DNHD1: variants seen among roughly 807,000 people sequenced by gnomAD.
The protein encoded by DNHD1 is dynein heavy chain domain 1.
DNHD1 carries 383 observed loss-of-function variants against 458.1 expected under a neutral mutation model. That is an observed-to-expected ratio of 0.84 (90% CI 0.77 to 0.91). The LOEUF is 0.91. DNHD1 is among the 40% of genes least tolerant of loss of function. The pLI is 0.00. For missense variants in DNHD1, 5,336 were observed against 5,866.1 expected, an observed-to-expected ratio of 0.91 and a Z score of 2.95; for synonymous variants, 2,203 against 2,376.9, an observed-to-expected ratio of 0.93 and a Z score of 2.13.
Position 6,545,016 on chromosome 11 carries a change from C to A in DNHD1, c.4077C>A (p.Leu1359=). Residue 1359 remains leucine (L), a synonymous_variant, in exon 21 of 43, where the codon CTC becomes CTA. Coordinates refer to ENST00000254579, the MANE Select transcript of DNHD1 (RefSeq NM_144666.3). This position sits in a 1 kb window ranked among gnomAD's most constrained non-coding sequence, Gnocchi z 4.9. The part of the protein sequence containing the change: ...LYGVCAHFPR[L]FFLSDSELVA... ...GGGTGTGTGCTCACTTCCCCCGCCT[C>A]TTCTTCCTTAGTGACAGTGAGCTGG... 1 of 1,551,856 alleles carries A rather than the reference C, an allele frequency of 6.4e-7. No homozygotes were observed. The highest frequency in any genetic ancestry group is 1.2e-5 in the South Asian group (1 of 84,066).
intron 9 of DNHD1, 57 bp from the exon 10 acceptor site, chr11:6,520,181 G>A (rs1463127754): frequency 2.1e-5 from 34 of 1,603,348 alleles, no homozygotes; most frequent in Non-Finnish European, 2.9e-5. Flanking sequence ...TCACAACCTG[G>A]TTTGAATCCC....
chr11:6,519,492 C>G, intron 7 of DNHD1, 108 bp from the exon 8 acceptor site: 1 of 1,257,434 alleles, frequency 8.0e-7, no homozygotes, highest in Non-Finnish European at 1.1e-6. Flanking sequence ...ATATGTATAT[C>G]TAGGTTCTAG....
Position 6,557,127 on chromosome 11 carries a change from G to A in DNHD1, c.7832G>A (p.Arg2611Gln), listed in dbSNP as rs529703093. ...LQLLPNRTGS[R>Q]GFVDYPNHQE... ...CTGCTGCCCAACAGAACAGGCTCCC[G>A]AGGTTTTGTGGACTATCCCAACCAC... is the stretch of plus-strand genomic sequence containing the variant. Residue 2611 changes from arginine to glutamine, a missense_variant, in exon 25 of 43, where the codon CGA (arginine) becomes CAA (glutamine). Physicochemically the swap from Arg to Gln is conservative, Grantham distance 43. This residue lies in a region of DNHD1 where 3,932 missense variants were observed against 4,365.6 expected (regional missense o/e 0.90). Coordinates refer to ENST00000254579, the MANE Select transcript of DNHD1 (RefSeq NM_144666.3). The A allele has an allele frequency of 1.4e-5, 22 of 1,551,718 alleles. No individual in the cohort carries two copies. Among genetic ancestry groups the A allele is most frequent in the Admixed American group, 7.8e-5 (4 of 51,000 alleles).
At chr11:6,517,791 T>C (rs1852515677) in intron 7 of DNHD1, among the ~76,000 whole-genome samples, 1 of 149,612 alleles carries the variant, frequency 6.7e-6, no homozygotes, top group South Asian at 2.1e-4. Flanking sequence ...GATTTCAAAA[T>C]ATGAATTTTG....
rs761752956 is a variant in DNHD1, at chr11:6,498,876, G to A, written c.661G>A (p.Ala221Thr). Residue 221 changes from alanine (A) to threonine (T), a missense_variant, in exon 3 of 43, where the codon GCA becomes ACA. Transcript: ENST00000254579. ...WLDGLSLLPLALAADIPVRYE... is the reference protein window; with the variant it reads ...WLDGLSLLPLTLAADIPVRYE... ...GGATGGACTTAGTCTCCTTCCCTTG[G>A]CACTGGCAGCGGACATCCCTGTACG... is the stretch of plus-strand genomic sequence containing the variant. 2 of 1,614,134 alleles carry A rather than the reference G, an allele frequency of 1.2e-6. No homozygotes were observed. The highest frequency in any genetic ancestry group is 1.3e-5 in the African/African-American group (1 of 74,946).
chr11:6,528,796 A>T lies in DNHD1; in HGVS notation c.2103+9A>T, dbSNP rs1170859802. 1 of 1,551,192 alleles carries T rather than the reference A, an allele frequency of 6.4e-7. No individual in the cohort carries two copies. The highest frequency in any genetic ancestry group is 8.7e-7 in the Non-Finnish European group (1 of 1,146,710). On this transcript the variant is annotated intron_variant, in intron 11 of 42. Transcript: ENST00000254579. ...AACAGGTGCTGCTGGAGGTGAGAACAGTGGTTTAAGGGATAGGGCGCTGCC... is the reference window on the plus strand; with the variant it reads ...AACAGGTGCTGCTGGAGGTGAGAACTGTGGTTTAAGGGATAGGGCGCTGCC...
rs1179045346 is a variant in DNHD1 at position 6,519,700 on chromosome 11, T to A, written c.1493T>A (p.Val498Glu). ...TGQGSIYLQR[V>E]QHKQLEQKLK... Reference sequence around the variant, plus strand: ...CAAGGCTCCATATACCTTCAGAGGGTACAGCACAAGCAACTGGAGCAGAAG... The same window carrying A: ...CAAGGCTCCATATACCTTCAGAGGGAACAGCACAAGCAACTGGAGCAGAAG... The change falls in exon 8 of 43, where the codon GTA (valine) becomes GAA (glutamate). Residue 498 changes from valine to glutamate, a missense_variant. Val to Glu is a moderately radical substitution (Grantham distance 121). Coordinates refer to ENST00000254579, the MANE Select transcript of DNHD1 (RefSeq NM_144666.3). 1 of 1,614,130 alleles carries A rather than the reference T, an allele frequency of 6.2e-7. No individual in the cohort carries two copies.
chr11:6,502,990 C>T, intron 4 of DNHD1, 64 bp downstream of exon 4: 2 of 1,573,166 alleles, frequency 1.3e-6, no homozygotes, highest in South Asian at 1.2e-5. Flanking sequence ...GCTATCTTCC[C>T]CCTCCTCTTT....
chr11:6,511,383 G>T lies in DNHD1; in HGVS notation c.1346G>T (p.Arg449Leu), dbSNP rs144531490. 3.7e-6 allele frequency: 6 copies of T among 1,614,246 alleles called. No individual in the cohort carries two copies. In the South Asian group the frequency reaches 6.6e-5, roughly 18 times the overall value. The stretch of plus-strand genomic sequence containing the variant: ...GCCGAGGAGAAGCATAAGGCTCTAC[G>T]GCTGCTCCATCGTTGCCTAAACCTC... ...ALAEEKHKAL[R>L]LLHRCLNLCT... Residue 449 changes from arginine to leucine, a missense_variant, in exon 7 of 43, where the codon CGG (arginine) becomes CTG (leucine). Coordinates refer to ENST00000254579, the MANE Select transcript of DNHD1 (RefSeq NM_144666.3).
rs1389243783 is a variant in DNHD1 at position 6,498,479 on chromosome 11, G to C, written c.264G>C (p.Leu88=). ...PAAWRYLHAV[L]GLLPPYRELL... ...CTTGGCGCTATCTTCATGCAGTACT[G>C]GGTCTACTGCCTCCATATCGTGAGT... The change falls in exon 3 of 43, where the codon CTG becomes CTC. Residue 88 remains leucine, a synonymous_variant. Coordinates refer to ENST00000254579, the MANE Select transcript of DNHD1 (RefSeq NM_144666.3). The C allele has an allele frequency of 1.2e-6, 2 of 1,614,198 alleles. No individual in the cohort carries two copies. Among genetic ancestry groups the C allele is most frequent in the Non-Finnish European group, 1.7e-6 (2 of 1,180,040 alleles).
chr11:6,567,791 G>T lies in DNHD1; in HGVS notation c.12282G>T (p.Pro4094=), dbSNP rs201927512. The part of the protein sequence containing the change: ...ATQPMLILLP[P]PGHPSATLHP... ...AGCCCATGCTGATCTTGTTGCCACC[G>T]CCTGGCCACCCCTCAGCCACTCTGC... Residue 4094 remains proline (P), a synonymous_variant, in exon 36 of 43, where the codon CCG becomes CCT. Transcript: ENST00000254579. 1.9e-6 allele frequency: 3 copies of T among 1,613,748 alleles called. No homozygotes were observed. The highest frequency in any genetic ancestry group is 2.5e-6 in the Non-Finnish European group (3 of 1,179,882).
chr11:6,571,727 G>T lies in DNHD1; in HGVS notation c.14003G>T (p.Gly4668Val). 1 of 1,612,706 alleles carries T rather than the reference G, an allele frequency of 6.2e-7. No homozygotes were observed. The highest frequency in any genetic ancestry group is 1.1e-5 in the South Asian group (1 of 90,868). Residue 4668 changes from glycine (G) to valine (V), a missense_variant, in exon 43 of 43, where the codon GGA (glycine) becomes GTA (valine). Physicochemically the swap from Gly to Val is moderately radical, Grantham distance 109 (BLOSUM62 -3). Around this residue, in one of 4 missense-constraint regions of DNHD1, gnomAD observed 698 missense variants for 664.9 expected, o/e 1.05. Coordinates refer to ENST00000254579, the MANE Select transcript of DNHD1 (RefSeq NM_144666.3). This position sits in a 1 kb window ranked among gnomAD's most constrained non-coding sequence, Gnocchi z 5.0. ...VLHAEWDPIA[G>V]ALQDSPSSQP... is the part of the protein sequence containing the mutation. ...CATGCGGAGTGGGACCCAATAGCTGGAGCCTTGCAGGACAGTCCTTCCAGC... is the reference window on the plus strand; with the variant it reads ...CATGCGGAGTGGGACCCAATAGCTGTAGCCTTGCAGGACAGTCCTTCCAGC...
At position 6,546,680 on chromosome 11, in the gene DNHD1, C is replaced by T; in HGVS notation, c.5741C>T (p.Ser1914Leu). The change falls in exon 21 of 43, where the codon TCA (serine) becomes TTA (leucine). Residue 1914 changes from serine (S) to leucine (L), a missense_variant. By Grantham distance (145) the Ser-to-Leu change is moderately radical. This residue lies in a region of DNHD1 where 3,932 missense variants were observed against 4,365.6 expected (regional missense o/e 0.90). Coordinates refer to ENST00000254579, the MANE Select transcript of DNHD1 (RefSeq NM_144666.3). ...ATTGAGGAGGCTGCCCTACTGCGCT[C>T]ACCACTGTTTAGCATTCTCAATGGG... is the stretch of plus-strand genomic sequence containing the variant. ...AAIEEAALLRSPLFSILNGLH... is the reference protein window; with the variant it reads ...AAIEEAALLRLPLFSILNGLH... The T allele has an allele frequency of 1.9e-6, 3 of 1,551,836 alleles. No homozygotes were observed. Among genetic ancestry groups the T allele is most frequent in the Non-Finnish European group, 2.6e-6 (3 of 1,147,026 alleles).
intron 3 of DNHD1, among the ~76,000 whole-genome samples, chr11:6,502,155 GAAGAGT>G (rs1439006201): frequency 6.6e-6 from 1 of 152,150 alleles, no homozygotes; most frequent in Non-Finnish European, 1.5e-5. Context: ...CCAGAATGCA[GAAGAGT>G]AAGAGGATGA....
At chr11:6,544,715 A>C in intron 20 of DNHD1, 44 bp downstream of exon 20, 1 of 1,544,834 alleles carries the variant, frequency 6.5e-7, no homozygotes, top group Non-Finnish European at 8.8e-7. Flanking sequence ...AGGGTTCCTG[A>C]ATAGCAGGGC....
chr11:6,536,342 A>T (rs1852948255), intron 14 of DNHD1, among the ~76,000 whole-genome samples: 1 of 152,244 alleles, frequency 6.6e-6, no homozygotes, highest in Admixed American at 6.5e-5. Context: ...TATGGACAGT[A>T]GATTAAAATA....
Position 6,570,996 on chromosome 11 carries a change from TGGTG to T in DNHD1, c.13487_13490del (p.Val4496AlafsTer14). 1 of 1,601,316 alleles carries T rather than the reference TGGTG, an allele frequency of 6.2e-7. No individual in the cohort carries two copies. Among genetic ancestry groups the T allele is most frequent in the East Asian group, 2.2e-5 (1 of 44,592 alleles). On this transcript the variant is annotated frameshift_variant, in exon 42 of 43. Coordinates refer to ENST00000254579, the MANE Select transcript of DNHD1 (RefSeq NM_144666.3). LOFTEE classifies it high-confidence loss of function. ...ACCGAGGCTCTAGAACTGAGCCAGT[TGGTG>T]GGCACGCTACAACGCGACCTTGATT...
Position 6,567,031 on chromosome 11 carries a change from T to C in DNHD1, c.11522T>C (p.Leu3841Pro), listed in dbSNP as rs1203709371. The change falls in exon 36 of 43, where the codon CTA (leucine) becomes CCA (proline). Residue 3841 changes from leucine (L) to proline (P), a missense_variant. By Grantham distance (98) the Leu-to-Pro change is moderately conservative. Around this residue, in one of 4 missense-constraint regions of DNHD1, gnomAD observed 695 missense variants for 804.2 expected, o/e 0.86. Coordinates refer to ENST00000254579, the MANE Select transcript of DNHD1 (RefSeq NM_144666.3). ...AHCEELEGQKLQEMVLWAPYR... is the reference protein window; with the variant it reads ...AHCEELEGQKPQEMVLWAPYR... ...TGTGAAGAGTTAGAAGGGCAGAAAC[T>C]ACAGGAGATGGTATTGTGGGCACCC... 2 of 1,614,010 alleles carry C rather than the reference T, an allele frequency of 1.2e-6. No individual in the cohort carries two copies. Among genetic ancestry groups the C allele is most frequent in the Non-Finnish European group, 1.7e-6 (2 of 1,179,892 alleles).
intron 13 of DNHD1, 35 bp downstream of exon 13, chr11:6,533,219 C>T: frequency 6.5e-7 from 1 of 1,544,940 alleles, no homozygotes; most frequent in Middle Eastern, 1.7e-4. Context: ...CCAGTTTATT[C>T]AGGGCCCATC....
Sources: allele counts gnomAD v4.1 joint callset (sites outside exome capture counted in the v4.1 genomes callset), GRCh38; gene constraint gnomAD v4.1.1; regional missense constraint gnomAD v4.1.1; non-coding constraint Gnocchi (gnomAD v3.1); transcripts MANE v1.5; gene names NCBI Gene and HGNC (gene_info 2026-07-23, HGNC 2026-07-21).